The following PDLIM5 variants were observed in gnomAD, a reference collection of about 807,000 sequenced individuals.
PDLIM5 encodes PDZ and LIM domain 5.
Under a neutral mutation model 64.2 loss-of-function variants are expected in PDLIM5, and 34 were observed. The observed-to-expected ratio is 0.53, with a 90% CI of 0.40 to 0.71. The LOEUF (loss-of-function observed/expected upper bound fraction) is 0.71. Among genes scored for constraint, PDLIM5 ranks in the 30% least tolerant of loss-of-function variants. The pLI is 0.00. For missense variants in PDLIM5, 683 were observed against 733.6 expected (o/e 0.93, Z 0.80); for synonymous variants, 253 against 269.1 (o/e 0.94, Z 0.59).
At chr4:94,576,431 C>T (rs536353596) in intron 5 of PDLIM5, among the ~76,000 whole-genome samples, 3 of 152,216 alleles carry the variant, frequency 2.0e-5, no homozygotes, top group East Asian at 1.9e-4. Context: ...CACAACTCAT[C>T]GTAAGGAGAG....
chr4:94,496,081 G>A (rs533586387), intron 2 of PDLIM5, among the ~76,000 whole-genome samples: 2 of 151,890 alleles, frequency 1.3e-5, no homozygotes, highest in East Asian at 3.9e-4. Flanking sequence ...AAAAAACAAG[G>A]TTTGGCATTG....
chr4:94,644,594 C>T (rs551260082), intron 9 of PDLIM5, among the ~76,000 whole-genome samples: 3 of 150,434 alleles, frequency 2.0e-5, no homozygotes, highest in East Asian at 2.0e-4. Context: ...GGTGCGATCT[C>T]GGCTCACTGC....
At chr4:94,567,233 T>C (rs1560708321) in intron 3 of PDLIM5, among the ~76,000 whole-genome samples, 1 of 152,204 alleles carries the variant, frequency 6.6e-6, no homozygotes, top group Non-Finnish European at 1.5e-5. Flanking sequence ...GACCTCGTGA[T>C]CTGCCCACCT....
chr4:94,514,385 T>C (rs531052208), intron 2 of PDLIM5, among the ~76,000 whole-genome samples: 8 of 151,992 alleles, frequency 5.3e-5, no homozygotes, highest in Middle Eastern at 3.2e-3. Flanking sequence ...CTGCCCACCT[T>C]GGCCTCCCAA....
At chr4:94,591,194 T>A (rs1159297484) in intron 7 of PDLIM5, among the ~76,000 whole-genome samples, 1 of 152,242 alleles carries the variant, frequency 6.6e-6, no homozygotes. Context: ...TAGAATTGTC[T>A]GGACACTTTG....
intron 2 of PDLIM5, among the ~76,000 whole-genome samples, chr4:94,460,207 T>C (rs889413177): frequency 2.0e-5 from 3 of 152,242 alleles, no homozygotes; most frequent in South Asian, 4.1e-4. Context: ...TCTTTTCCCA[T>C]GTGGCAGTTT....
At chr4:94,604,308 A>G (rs1223689710) in intron 7 of PDLIM5, among the ~76,000 whole-genome samples, 1 of 152,190 alleles carries the variant, frequency 6.6e-6, no homozygotes, top group Non-Finnish European at 1.5e-5. Context: ...TAATGTAGTC[A>G]TCTTCGGGTC....
At chr4:94,478,812 G>T (rs141902484) in intron 2 of PDLIM5, among the ~76,000 whole-genome samples, 60 of 150,400 alleles carry the variant, frequency 4.0e-4, no homozygotes, top group African/African-American at 1.4e-3. Context: ...TTTTAAGACA[G>T]TGCTGTTTTT....
intron 3 of PDLIM5, among the ~76,000 whole-genome samples, chr4:94,567,989 A>G (rs1176781180): frequency 1.3e-5 from 2 of 152,218 alleles, no homozygotes; most frequent in Admixed American, 6.5e-5. Context: ...TCCTGCAACC[A>G]CAGAAGGAAT....
At chr4:94,608,289 T>A in intron 7 of PDLIM5, 1 of 620,002 alleles carries the variant, frequency 1.6e-6, no homozygotes, top group Non-Finnish European at 2.6e-6. Flanking sequence ...CGGACATCAT[T>A]AACCTATAGA....
intron 2 of PDLIM5, among the ~76,000 whole-genome samples, chr4:94,516,408 A>G (rs1305457630): frequency 1.3e-5 from 2 of 152,230 alleles, no homozygotes; most frequent in Non-Finnish European, 2.9e-5. Context: ...ATTTGCTCAC[A>G]GAGAGACATC....
At chr4:94,490,483 C>T (rs939905876) in intron 2 of PDLIM5, among the ~76,000 whole-genome samples, 1 of 151,934 alleles carries the variant, frequency 6.6e-6, no homozygotes, top group Non-Finnish European at 1.5e-5. Context: ...TATATCCTTC[C>T]ATATAACAGT....
chr4:94,604,070 A>G (rs1283610294), intron 7 of PDLIM5, among the ~76,000 whole-genome samples: 2 of 152,208 alleles, frequency 1.3e-5, no homozygotes, highest in Non-Finnish European at 2.9e-5. Flanking sequence ...GGACAGAGTA[A>G]TGTCACTGTA....
intron 9 of PDLIM5, among the ~76,000 whole-genome samples, chr4:94,651,596 A>G (rs1208317315): frequency 6.6e-6 from 1 of 152,214 alleles, no homozygotes; most frequent in Non-Finnish European, 1.5e-5. Context: ...GACGATACTA[A>G]AATAATGACC....
chr4:94,634,742 G>A (rs925935295), intron 8 of PDLIM5, among the ~76,000 whole-genome samples: 9 of 152,098 alleles, frequency 5.9e-5, no homozygotes, highest in African/African-American at 1.7e-4. Context: ...TTATGAACAG[G>A]AACAGAGACC....
chr4:94,543,011 C>T (rs1731961331), intron 3 of PDLIM5, among the ~76,000 whole-genome samples: 1 of 152,158 alleles, frequency 6.6e-6, no homozygotes, highest in African/African-American at 2.4e-5. Flanking sequence ...TGGTCAGCCC[C>T]TCATATATTT....
rs33968218 is a variant in PDLIM5 at position 94,526,734 on chromosome 4, C to CTTT, written c.248+2860_248+2862dup. Among the ~76,000 whole-genome samples, 66 of 147,306 alleles carry CTTT rather than the reference C, an allele frequency of 4.5e-4. 3 individuals carry two copies. Among genetic ancestry groups the CTTT allele is most frequent in the South Asian group, 4.2e-3 (20 of 4,726 alleles). ...TTCCAAGTTTGAACAGCATTTCTTT[C>CTTT]TTTCTTTTTTTTTTTGAGACTGAAT... is the stretch of plus-strand genomic sequence containing the variant. On this transcript the variant is annotated intron_variant, in intron 3 of 12. Transcript: ENST00000317968.
intron 9 of PDLIM5, among the ~76,000 whole-genome samples, chr4:94,649,696 T>C (rs1222285992): frequency 1.3e-5 from 2 of 152,228 alleles, no homozygotes; most frequent in African/African-American, 4.8e-5. Context: ...TTTTAAATAT[T>C]TGTAGAATGT....
At chr4:94,599,573 G>A (rs1209873607) in intron 7 of PDLIM5, among the ~76,000 whole-genome samples, 1 of 152,164 alleles carries the variant, frequency 6.6e-6, no homozygotes, top group Non-Finnish European at 1.5e-5. Flanking sequence ...TATATTCTAG[G>A]TGTAAGGCTT....
Sources: allele counts gnomAD v4.1 joint callset (sites outside exome capture counted in the v4.1 genomes callset), GRCh38; gene constraint gnomAD v4.1.1; transcripts MANE v1.5; gene names NCBI Gene and HGNC (gene_info 2026-07-23, HGNC 2026-07-21).